MACC1: variants seen among roughly 807,000 people sequenced by gnomAD.
The protein encoded by MACC1 is MET transcriptional regulator MACC1.
In MACC1, 79 loss-of-function variants were observed where a neutral mutation model predicts 70.7. The ratio of observed to expected loss-of-function variants is 1.12; its 90% CI spans 0.93 to 1.35. The LOEUF (loss-of-function observed/expected upper bound fraction) is 1.35, where lower values mean the gene tolerates loss of function less well. MACC1 is among the 40% of genes most tolerant of loss of function. The pLI is 0.00. For synonymous variants in MACC1, 361 were observed against 347.2 expected (o/e 1.04, Z -0.44); for missense variants, 1,106 against 978.1 (o/e 1.13, Z -1.74).
chr7:20,164,199 A>C (rs1168983389), intron 3 of MACC1, 57 bp downstream of exon 3: 5 of 152,370 alleles, frequency 3.3e-5, no homozygotes, highest in Non-Finnish European at 7.3e-5. Context: ...GGCCTACCAA[A>C]GTGCTGGGAT....
rs563611001 is a variant in MACC1 at position 20,159,142 on chromosome 7, T to A, written c.1219A>T (p.Lys407Ter). ...ACTGGAGATATGTTTTTTCCACCCT[T>A]CTTAATATCAGAAATTGTAAGCTGT... Reference protein sequence around the residue: ...PGQLTISDIKKGGKNISPVVF... With the variant: ...PGQLTISDIK The change falls in exon 5 of 7, where the codon AAG becomes TAG. Residue 407 changes from lysine to a stop codon, truncating the protein, a stop_gained. Transcript: ENST00000400331. LOFTEE classifies it high-confidence loss of function. The A allele has an allele frequency of 6.2e-6, 10 of 1,613,984 alleles. No individual in the cohort carries two copies. In the Admixed American group the frequency reaches 1.3e-4, roughly 22 times the overall value.
intron 1 of MACC1, among the ~76,000 whole-genome samples, chr7:20,216,337 T>TAA (rs1377314716): frequency 6.6e-6 from 1 of 152,156 alleles, no homozygotes; most frequent in Non-Finnish European, 1.5e-5. Context: ...CTATCTTTAT[T>TAA]AATTGTGGTA....
chr7:20,169,035 A>G (rs1390707387), intron 2 of MACC1, among the ~76,000 whole-genome samples: 1 of 152,206 alleles, frequency 6.6e-6, no homozygotes, highest in Non-Finnish European at 1.5e-5. Context: ...CATGATAGGG[A>G]CTGCAGTTTT....
In MACC1 at chr7:20,159,139, C is replaced by G; in HGVS notation, c.1222G>C (p.Gly408Arg). 6.2e-7 allele frequency: 1 copy of G among 1,613,732 alleles called. No individual in the cohort carries two copies. Among genetic ancestry groups the G allele is most frequent in the Non-Finnish European group, 8.5e-7 (1 of 1,179,968 alleles). Residue 408 changes from glycine (G) to arginine (R), a missense_variant, in exon 5 of 7, where the codon GGT becomes CGT. Coordinates refer to ENST00000400331, the MANE Select transcript of MACC1 (RefSeq NM_182762.4). ...GQLTISDIKK[G>R]GKNISPVVFQ... ...ACAACTGGAGATATGTTTTTTCCAC[C>G]CTTCTTAATATCAGAAATTGTAAGC...
intron 1 of MACC1, among the ~76,000 whole-genome samples, chr7:20,215,975 C>T (rs898783448): frequency 6.6e-6 from 1 of 152,124 alleles, no homozygotes; most frequent in African/African-American, 2.4e-5. Flanking sequence ...CAAATTGTAA[C>T]TAATAATTAT....
chr7:20,155,005 A>G (rs1489623490), intron 5 of MACC1, among the ~76,000 whole-genome samples: 2 of 152,014 alleles, frequency 1.3e-5, no homozygotes, highest in Admixed American at 6.6e-5. Context: ...CTCATCACCA[A>G]TATAATGGTA....
At chr7:20,178,302 A>G (rs1782429631) in intron 1 of MACC1, among the ~76,000 whole-genome samples, 1 of 146,416 alleles carries the variant, frequency 6.8e-6, no homozygotes, top group South Asian at 2.2e-4. Context: ...CACACACTCC[A>G]GAGAATAATT....
intron 1 of MACC1, among the ~76,000 whole-genome samples, chr7:20,173,409 T>C (rs934848528): frequency 6.6e-6 from 1 of 152,200 alleles, no homozygotes; most frequent in Non-Finnish European, 1.5e-5. Flanking sequence ...CTTGTGATTA[T>C]AGGAAAGATT....
intron 1 of MACC1, among the ~76,000 whole-genome samples, chr7:20,212,660 C>A (rs566755806): frequency 6.6e-6 from 1 of 152,000 alleles, no homozygotes; most frequent in Non-Finnish European, 1.5e-5. Context: ...TGATTAACAA[C>A]ATAGTTTCCC....
chr7:20,146,276 T>C (rs1449108211), intron 6 of MACC1, among the ~76,000 whole-genome samples: 1 of 152,184 alleles, frequency 6.6e-6, no homozygotes, highest in Non-Finnish European at 1.5e-5. Context: ...GGAATAGATA[T>C]ATGAACATTT....
rs1227739521 is a variant in MACC1 at position 20,154,975 on chromosome 7, A to C, written c.2158-594T>G. Among the ~76,000 whole-genome samples the C allele has an allele frequency of 2.6e-5, 4 of 151,728 alleles. No individual in the cohort carries two copies. The East Asian group carries it at 7.7e-4, about 29-fold the overall frequency. On this transcript the variant is annotated intron_variant, in intron 5 of 6. Transcript: ENST00000400331. ...ATAAGTTTAAAATATATATATATAA[A>C]TTTATTAAAAATACTCTCCCTCATC...
intron 1 of MACC1, among the ~76,000 whole-genome samples, chr7:20,207,749 A>G (rs1782933637): frequency 6.6e-6 from 1 of 152,248 alleles, no homozygotes; most frequent in Non-Finnish European, 1.5e-5. Context: ...CAAAATTATG[A>G]AACACATAGG....
chr7:20,168,992 A>G (rs1038505912), intron 2 of MACC1, among the ~76,000 whole-genome samples: 2 of 152,214 alleles, frequency 1.3e-5, no homozygotes, highest in Non-Finnish European at 1.5e-5. Flanking sequence ...ATGTAGCCTG[A>G]GCAGAAGATC....
At chr7:20,188,426 C>T (rs1468297258) in intron 1 of MACC1, among the ~76,000 whole-genome samples, 1 of 152,188 alleles carries the variant, frequency 6.6e-6, no homozygotes, top group Non-Finnish European at 1.5e-5. Flanking sequence ...GTTGTAAAAA[C>T]TCTCTTGCAT....
chr7:20,147,333 T>C (rs1436023352), intron 6 of MACC1: 1 of 152,212 alleles, frequency 6.6e-6, no homozygotes, highest in Non-Finnish European at 1.5e-5. Context: ...ATGAATAGCA[T>C]AAAGAATGCA....
At chr7:20,179,110 C>G (rs532257239) in intron 1 of MACC1, among the ~76,000 whole-genome samples, 1 of 152,092 alleles carries the variant, frequency 6.6e-6, no homozygotes, top group East Asian at 1.9e-4. Context: ...GTGCTAATGT[C>G]CAATTTGTTG....
At chr7:20,194,730 A>C (rs1348380650) in intron 1 of MACC1, among the ~76,000 whole-genome samples, 1 of 152,232 alleles carries the variant, frequency 6.6e-6, no homozygotes, top group Non-Finnish European at 1.5e-5. Context: ...ATTGCCTACC[A>C]TGTAGTTTCC....
chr7:20,173,700 C>G (rs946153351), intron 1 of MACC1, among the ~76,000 whole-genome samples: 1 of 152,160 alleles, frequency 6.6e-6, no homozygotes, highest in Non-Finnish European at 1.5e-5. Flanking sequence ...ACAATCTGAT[C>G]TTGGGTCCTA....
intron 1 of MACC1, among the ~76,000 whole-genome samples, chr7:20,214,250 C>T (rs764171610): frequency 6.6e-5 from 10 of 152,128 alleles, no homozygotes; most frequent in Non-Finnish European, 1.0e-4. Context: ...CACAACCAAC[C>T]TTATTCCAGC....
Sources: gnomAD v4.1 joint callset for allele counts (sites outside exome capture counted in the v4.1 genomes callset) on GRCh38, gnomAD v4.1.1 for gene constraint, MANE v1.5 for transcripts, NCBI Gene and HGNC (gene_info 2026-07-23, HGNC 2026-07-21) for gene names.